EVI5: variants seen among roughly 807,000 people sequenced by gnomAD.
EVI5 encodes the protein ecotropic viral integration site 5 protein homolog.
EVI5 carries 73 observed loss-of-function variants against 112.0 expected under a neutral mutation model. That is an observed-to-expected ratio of 0.65 (90% CI 0.54 to 0.79). EVI5 has a LOEUF of 0.79. Among genes scored for constraint, EVI5 ranks in the 30% least tolerant of loss-of-function variants. The probability of loss-of-function intolerance (pLI) is 0.00; values close to 1 mark genes in which losing one functional copy is unlikely to be tolerated. For synonymous variants in EVI5, 305 were observed against 319.9 expected (o/e 0.95, Z 0.50); for missense variants, 900 against 968.8 (o/e 0.93, Z 0.94).
In EVI5 at chr1:92,711,332, C is replaced by T. The variant is rs115450609; in HGVS notation, c.150-6588G>A. On this transcript the variant is annotated intron_variant, in intron 2 of 19. Transcript: ENST00000684568. Reference sequence around the variant, plus strand: ...AGTTGATATTAAACTTCTTGAGTATCCTATTGTACTCAGCATAATGTTTTC... The same window carrying T: ...AGTTGATATTAAACTTCTTGAGTATTCTATTGTACTCAGCATAATGTTTTC... Among the ~76,000 whole-genome samples the T allele has an allele frequency of 4.6e-3, 696 of 152,242 alleles. 3 individuals are homozygous for T. The highest frequency in any genetic ancestry group is 0.016 in the African/African-American group (663 of 41,542).
At chr1:92,756,767 C>T in intron 1 of EVI5, 1 of 506,094 alleles carries the variant, frequency 2.0e-6, no homozygotes, top group Non-Finnish European at 4.0e-6. Context: ...CACGCCTCAT[C>T]TTACAAGCTA....
chr1:92,743,195 A>G (rs998906508), intron 1 of EVI5, among the ~76,000 whole-genome samples: 1 of 152,218 alleles, frequency 6.6e-6, no homozygotes. Flanking sequence ...TCTACTAAAA[A>G]TACAAAAATT....
chr1:92,518,681 G>A (rs562036396), intron 19 of EVI5, among the ~76,000 whole-genome samples: 7 of 150,424 alleles, frequency 4.7e-5, no homozygotes, highest in Non-Finnish European at 1.0e-4. Flanking sequence ...GGTCTTAGAC[G>A]TAAATTTCTC....
At chr1:92,758,584 A>AAG (rs1681326994) in intron 1 of EVI5, among the ~76,000 whole-genome samples, 1 of 151,724 alleles carries the variant, frequency 6.6e-6, no homozygotes. Flanking sequence ...AAAAAAAAAA[A>AAG]AAATCTGGTT....
intron 7 of EVI5, 111 bp from the exon 8 acceptor site, chr1:92,694,499 G>C (rs2102471808): frequency 1.6e-6 from 1 of 632,764 alleles, no homozygotes; most frequent in South Asian, 2.0e-5. Context: ...CTAGGGGCTG[G>C]CAAACATTTT....
At chr1:92,787,881 G>A (rs996686252), upstream of EVI5, among the ~76,000 whole-genome samples, 1 of 152,124 alleles carries the variant, frequency 6.6e-6, no homozygotes. Flanking sequence ...TCTATGTGAA[G>A]ATAAATGACA....
chr1:92,665,175 A>C (rs1055713261), intron 11 of EVI5, among the ~76,000 whole-genome samples: 11 of 152,228 alleles, frequency 7.2e-5, no homozygotes, highest in African/African-American at 2.7e-4. Flanking sequence ...ACTGCACTCC[A>C]GCCTGGGCAA....
intron 19 of EVI5, among the ~76,000 whole-genome samples, chr1:92,519,811 G>C (rs1660578491): frequency 6.6e-6 from 1 of 151,044 alleles, no homozygotes; most frequent in African/African-American, 2.4e-5. Flanking sequence ...TATGAGAATT[G>C]CTTGAACCCC....
intron 1 of EVI5, among the ~76,000 whole-genome samples, chr1:92,746,595 G>A (rs1037341869): frequency 6.6e-6 from 1 of 152,066 alleles, no homozygotes; most frequent in African/African-American, 2.4e-5. Context: ...GTGTAGTGGT[G>A]CATGCCTGTA....
chr1:92,592,951 C>A (rs189802123), intron 18 of EVI5, among the ~76,000 whole-genome samples: 1 of 152,226 alleles, frequency 6.6e-6, no homozygotes. Context: ...CAAAAAAAGT[C>A]CAGGACCAGA....
chr1:92,753,849 T>A (rs949612563), intron 1 of EVI5, among the ~76,000 whole-genome samples: 7 of 152,228 alleles, frequency 4.6e-5, no homozygotes, highest in African/African-American at 1.7e-4. Context: ...TTAAGTACTG[T>A]CTCTTGCTAC....
At position 92,697,918 on chromosome 1, in the gene EVI5, A is replaced by T; in HGVS notation, c.707T>A (p.Phe236Tyr). Reference sequence around the variant, plus strand: ...GCCCAATTCTGCCATACTTGGTTTAAAAAGTTCACGAAGTCTATAATCTTG... The same window carrying T: ...GCCCAATTCTGCCATACTTGGTTTATAAAGTTCACGAAGTCTATAATCTTG... ...LMQDYRLREL[F>Y]KPSMAELGLC... Residue 236 changes from phenylalanine (F) to tyrosine (Y), a missense_variant, in exon 6 of 20, where the codon TTT becomes TAT. Phe to Tyr is a conservative substitution (Grantham distance 22, BLOSUM62 3). Transcript: ENST00000684568. 6.2e-7 allele frequency: 1 copy of T among 1,613,122 alleles called. No individual in the cohort carries two copies.
intron 1 of EVI5, chr1:92,757,090 A>G (rs1681067213): frequency 6.0e-6 from 1 of 166,092 alleles, no homozygotes; most frequent in African/African-American, 2.4e-5. Context: ...AGCACCAGGA[A>G]GACTGAATAT....
intron 4 of EVI5, 128 bp downstream of exon 4, chr1:92,703,267 C>T: frequency 3.2e-6 from 2 of 619,310 alleles, no homozygotes. Context: ...AAAAATGATG[C>T]TAAAACCAAT....
At chr1:92,592,615 A>C (rs989115357) in intron 18 of EVI5, among the ~76,000 whole-genome samples, 3 of 152,240 alleles carry the variant, frequency 2.0e-5, no homozygotes, top group African/African-American at 7.2e-5. Flanking sequence ...CCTTCAAAAA[A>C]TCAATGAATC....
intron 18 of EVI5, among the ~76,000 whole-genome samples, chr1:92,567,788 C>T (rs533148632): frequency 1.3e-5 from 2 of 152,318 alleles, no homozygotes; most frequent in South Asian, 4.1e-4. Flanking sequence ...TAAGCCAAAA[C>T]TGTCTTATTT....
chr1:92,755,378 T>C (rs1408489211), intron 1 of EVI5, among the ~76,000 whole-genome samples: 2 of 151,974 alleles, frequency 1.3e-5, no homozygotes, highest in African/African-American at 4.8e-5. Flanking sequence ...ACCACTGCAC[T>C]CCAGCCTGGG....
At chr1:92,635,155 G>A (rs764233870) in intron 14 of EVI5, among the ~76,000 whole-genome samples, 10 of 152,188 alleles carry the variant, frequency 6.6e-5, no homozygotes, top group South Asian at 4.1e-4. Context: ...GCAGTCTGTC[G>A]GTTCTCAGAT....
intron 13 of EVI5, among the ~76,000 whole-genome samples, chr1:92,644,601 G>T (rs1660604123): frequency 6.6e-6 from 1 of 152,080 alleles, no homozygotes; most frequent in South Asian, 2.1e-4. Context: ...TTATTGGTTT[G>T]AGACTTACTG....
Sources: allele counts gnomAD v4.1 joint callset (sites outside exome capture counted in the v4.1 genomes callset), GRCh38; gene constraint gnomAD v4.1.1; transcripts MANE v1.5; gene names NCBI Gene and HGNC (gene_info 2026-07-23, HGNC 2026-07-21).